EML1: variants seen among roughly 807,000 people sequenced by gnomAD.
EML1 encodes EMAP like 1.
In EML1, 27 loss-of-function variants were observed where a neutral mutation model predicts 110.4. That is an observed-to-expected ratio of 0.24 (90% CI 0.18 to 0.34). The LOEUF (loss-of-function observed/expected upper bound fraction) is 0.34, where lower values mean the gene tolerates loss of function less well. Among genes scored for constraint, EML1 ranks in the 10% least tolerant of loss-of-function variants. The probability of loss-of-function intolerance (pLI) is 1.00; values close to 1 mark genes in which losing one functional copy is unlikely to be tolerated. For missense variants in EML1, 741 were observed against 1,030.9 expected, an observed-to-expected ratio of 0.72 and a Z score of 3.85; for synonymous variants, 344 against 385.8, an observed-to-expected ratio of 0.89 and a Z score of 1.27.
chr14:99,871,750 G>A (rs2059208721), intron 3 of EML1, among the ~76,000 whole-genome samples: 1 of 152,178 alleles, frequency 6.6e-6, no homozygotes, highest in South Asian at 2.1e-4. Flanking sequence ...ACTTTAATGG[G>A]CGAGGAATTA....
At position 99,904,740 on chromosome 14, in the gene EML1, A is replaced by G. The variant is rs1000814941; in HGVS notation, c.1009-2898A>G. ...CCACGTGTTACAAGGTCAAGCTCCC[A>G]AGCACACGAAACAAGATAAGAGAGA... On this transcript the variant is annotated intron_variant, in intron 9 of 21. Coordinates refer to ENST00000262233, the MANE Select transcript of EML1 (RefSeq NM_004434.3). Among the ~76,000 whole-genome samples, 8 of 152,312 alleles carry G rather than the reference A, an allele frequency of 5.3e-5. No individual in the cohort carries two copies. In the East Asian group the frequency reaches 1.5e-3, roughly 29 times the overall value.
At chr14:99,763,051 G>A (rs541425316) in intron 1 of EML1, among the ~76,000 whole-genome samples, 4 of 152,034 alleles carry the variant, frequency 2.6e-5, no homozygotes, top group Admixed American at 6.6e-5. Context: ...TTCCCATGCT[G>A]TTCTCATCAT....
intron 1 of EML1, among the ~76,000 whole-genome samples, chr14:99,757,437 A>G (rs1340481996): frequency 6.6e-6 from 1 of 152,186 alleles, no homozygotes; most frequent in Non-Finnish European, 1.5e-5. Flanking sequence ...GGCCTTGCAT[A>G]CAGTCGCGCA....
chr14:99,755,652 A>G (rs1885594), intron 1 of EML1, among the ~76,000 whole-genome samples: 9 of 152,160 alleles, frequency 5.9e-5, no homozygotes, highest in African/African-American at 1.7e-4. Context: ...TTCCGTGGTC[A>G]CTTGCCCTCC....
At chr14:99,874,872 C>A in intron 3 of EML1, 1 of 1,489,356 alleles carries the variant, frequency 6.7e-7, no homozygotes, top group Non-Finnish European at 9.2e-7. Flanking sequence ...TACTTTTCCA[C>A]GCTTTTATTA....
intron 1 of EML1, among the ~76,000 whole-genome samples, chr14:99,765,526 G>T (rs1383775264): frequency 1.3e-5 from 2 of 152,074 alleles, no homozygotes; most frequent in African/African-American, 4.8e-5. Context: ...TCAAGTCAAG[G>T]TTCCTCCGTG....
chr14:99,875,887 A>G (rs755362920), intron 3 of EML1, among the ~76,000 whole-genome samples: 18 of 152,220 alleles, frequency 1.2e-4, no homozygotes, highest in Non-Finnish European at 1.8e-4. Flanking sequence ...CTAAAAACAC[A>G]CATTTTGACC....
intron 1 of EML1, among the ~76,000 whole-genome samples, chr14:99,838,518 A>G (rs1284817191): frequency 6.6e-6 from 1 of 152,136 alleles, no homozygotes; most frequent in Admixed American, 6.5e-5. Flanking sequence ...TCTAATGCTC[A>G]TTATTTTGTC....
intron 1 of EML1, among the ~76,000 whole-genome samples, chr14:99,763,924 AG>A (rs1160607252): frequency 5.3e-5 from 8 of 152,104 alleles, no homozygotes; most frequent in Admixed American, 5.2e-4. Context: ...GTGTTCTGAG[AG>A]GTTCATGACC....
intron 4 of EML1, chr14:99,885,827 C>T (rs1210016518): frequency 3.1e-5 from 14 of 449,918 alleles, no homozygotes; most frequent in Non-Finnish European, 4.9e-5. Context: ...CTTATTTAAT[C>T]GTGCCAATAA....
At position 99,827,916 on chromosome 14, in the gene EML1, T is replaced by C. The variant is rs1348952513; in HGVS notation, c.68-22937T>C. ...GGGTGTCTGGGTGCAGTAGATGCGATGGTTGGTGTATAATATGAACACTGT... is the reference window on the plus strand; with the variant it reads ...GGGTGTCTGGGTGCAGTAGATGCGACGGTTGGTGTATAATATGAACACTGT... On this transcript the variant is annotated intron_variant, in intron 1 of 21. Coordinates refer to ENST00000262233, the MANE Select transcript of EML1 (RefSeq NM_004434.3). This position sits in a 1 kb window ranked among gnomAD's most constrained non-coding sequence, Gnocchi z 4.4. Among the ~76,000 whole-genome samples, 1 of 152,160 alleles carries C rather than the reference T, an allele frequency of 6.6e-6. No homozygotes were observed. The highest frequency in any genetic ancestry group is 2.4e-5 in the African/African-American group (1 of 41,438).
At chr14:99,829,673 G>T (rs1202653821) in intron 1 of EML1, among the ~76,000 whole-genome samples, 1 of 152,144 alleles carries the variant, frequency 6.6e-6, no homozygotes, top group Non-Finnish European at 1.5e-5. Flanking sequence ...TCTGCTTTCT[G>T]TCTCTGAATT....
chr14:99,923,367 T>C (rs1397168271), intron 17 of EML1, among the ~76,000 whole-genome samples: 2 of 152,212 alleles, frequency 1.3e-5, no homozygotes, highest in Non-Finnish European at 2.9e-5. Context: ...AATATTTCCT[T>C]GTATGCTTTC....
At position 99,941,596 on chromosome 14, in the gene EML1, T is replaced by C. The variant is rs191298921; in HGVS notation, c.*1484T>C. The C allele has an allele frequency of 1.8e-4, 28 of 152,374 alleles. No homozygotes were observed. The East Asian group carries it at 5.2e-3, about 28-fold the overall frequency. The allele number at this position is 152,374 out of a possible 1,614,324, so 9.4% of individuals were successfully genotyped here. On this transcript the variant is annotated 3_prime_UTR_variant, in exon 22 of 22. Coordinates refer to ENST00000262233, the MANE Select transcript of EML1 (RefSeq NM_004434.3). ...AAATTAAAATATTTAAAATTAGATA[T>C]GATTCACACTATATTCTGTTTCATA...
chr14:99,909,507 A>T, intron 11 of EML1, 28 bp downstream of exon 11: 1 of 1,613,678 alleles, frequency 6.2e-7, no homozygotes, highest in Non-Finnish European at 8.5e-7. Flanking sequence ...TTTTTGCTTT[A>T]TTTTTCTCTC....
intron 2 of EML1, among the ~76,000 whole-genome samples, chr14:99,851,602 C>G (rs1400740520): frequency 6.6e-6 from 1 of 152,190 alleles, no homozygotes; most frequent in Admixed American, 6.5e-5. Context: ...CCACTGCGCC[C>G]GGCCGAGAAC....
chr14:99,851,026 C>G lies in EML1; in HGVS notation c.241C>G (p.Pro81Ala). ...EQQAVLNRKG[P>A]TKARPLMQTL... The stretch of plus-strand genomic sequence containing the variant: ...GCAGGCCGTGCTTAACAGGAAAGGA[C>G]CTACCAAAGGTGGGCGTTTGAGTGA... The change falls in exon 2 of 22, where the codon CCT (proline) becomes GCT (alanine). Residue 81 changes from proline to alanine, a missense_variant. Around this residue, in one of 4 missense-constraint regions of EML1, gnomAD observed 226 missense variants for 255.6 expected, o/e 0.88. Coordinates refer to ENST00000262233, the MANE Select transcript of EML1 (RefSeq NM_004434.3). The G allele has an allele frequency of 6.2e-7, 1 of 1,612,566 alleles. No homozygotes were observed. Among genetic ancestry groups the G allele is most frequent in the Non-Finnish European group, 8.5e-7 (1 of 1,178,986 alleles).
At chr14:99,833,817 G>C (rs2058497941) in intron 1 of EML1, among the ~76,000 whole-genome samples, 1 of 152,072 alleles carries the variant, frequency 6.6e-6, no homozygotes, top group Non-Finnish European at 1.5e-5. Flanking sequence ...AAATACAATT[G>C]ATTTTTATGT....
In EML1 at chr14:99,936,007, G is replaced by A. The variant is rs2060463921; in HGVS notation, c.1910-22G>A. On this transcript the variant is annotated intron_variant, in intron 17 of 21. Coordinates refer to ENST00000262233, the MANE Select transcript of EML1 (RefSeq NM_004434.3). The surrounding 1 kb of genome is among the most constrained non-coding windows in gnomAD (Gnocchi z 5.5). ...AATGTGTATTGTTAACATCTGAAATGTAATTTGTCATCTTTTTATAGATGG... is the reference window on the plus strand; with the variant it reads ...AATGTGTATTGTTAACATCTGAAATATAATTTGTCATCTTTTTATAGATGG... 1.2e-6 allele frequency: 2 copies of A among 1,608,854 alleles called. No individual in the cohort carries two copies. The highest frequency in any genetic ancestry group is 2.2e-5 in the East Asian group (1 of 44,868).
Sources: gnomAD v4.1 joint callset for allele counts (sites outside exome capture counted in the v4.1 genomes callset) on GRCh38, gnomAD v4.1.1 for gene constraint, gnomAD v4.1.1 regional missense constraint, Gnocchi (gnomAD v3.1) non-coding constraint, MANE v1.5 for transcripts, NCBI Gene and HGNC (gene_info 2026-07-23, HGNC 2026-07-21) for gene names.